The following ZSWIM5 variants were observed in gnomAD, a reference collection of about 807,000 sequenced individuals.
The protein encoded by ZSWIM5 is zinc finger SWIM domain-containing protein 5.
Under a neutral mutation model 119.6 loss-of-function variants are expected in ZSWIM5, and 55 were observed. That is an observed-to-expected ratio of 0.46 (90% CI 0.37 to 0.58). The LOEUF is 0.58. Among genes scored for constraint, ZSWIM5 ranks in the 20% least tolerant of loss-of-function variants. The pLI is 0.00. For missense variants in ZSWIM5, 1,193 were observed against 1,512.8 expected, an observed-to-expected ratio of 0.79 and a Z score of 3.51; for synonymous variants, 537 against 606.9, an observed-to-expected ratio of 0.88 and a Z score of 1.69.
At chr1:45,031,762 C>G (rs1459919947) in intron 11 of ZSWIM5, among the ~76,000 whole-genome samples, 1 of 150,746 alleles carries the variant, frequency 6.6e-6, no homozygotes, top group East Asian at 2.0e-4. Flanking sequence ...ATGGCATGAA[C>G]CTAGGGGGTG....
chr1:45,157,091 A>T (rs1645831168), intron 1 of ZSWIM5, among the ~76,000 whole-genome samples: 1 of 152,120 alleles, frequency 6.6e-6, no homozygotes, highest in Admixed American at 6.5e-5. Flanking sequence ...TTAACCATTA[A>T]CAAATTTTGC....
intron 1 of ZSWIM5, among the ~76,000 whole-genome samples, chr1:45,122,859 A>G (rs409082): frequency 0.063 from 9,537 of 152,178 alleles, 348 homozygotes; most frequent in East Asian, 0.11. Context: ...GGAGCCTTCT[A>G]TATCTGTCAG....
chr1:45,145,169 G>A (rs1645752728), intron 1 of ZSWIM5, among the ~76,000 whole-genome samples: 1 of 152,084 alleles, frequency 6.6e-6, no homozygotes. Flanking sequence ...AATACCAAGT[G>A]CTGATGAAGA....
intron 1 of ZSWIM5, among the ~76,000 whole-genome samples, chr1:45,165,515 A>C (rs1029175134): frequency 4.6e-5 from 7 of 152,094 alleles, no homozygotes; most frequent in Non-Finnish European, 7.4e-5. Flanking sequence ...TCAAAAAATC[A>C]ATGAATCCAG....
chr1:45,177,595 G>GACC, intron 1 of ZSWIM5, among the ~76,000 whole-genome samples: 1 of 152,042 alleles, frequency 6.6e-6, no homozygotes, highest in Non-Finnish European at 1.5e-5. Context: ...GATTCTCTCT[G>GACC]CTGCTTTATA....
chr1:45,106,684 C>T (rs1238240444), intron 1 of ZSWIM5, among the ~76,000 whole-genome samples: 1 of 152,190 alleles, frequency 6.6e-6, no homozygotes, highest in African/African-American at 2.4e-5. Flanking sequence ...GCCAGGCTGC[C>T]CCATCTGGGA....
chr1:45,096,796 T>C (rs952173267), intron 1 of ZSWIM5, among the ~76,000 whole-genome samples: 3 of 152,096 alleles, frequency 2.0e-5, no homozygotes, highest in African/African-American at 4.8e-5. Context: ...AAGAATAAAA[T>C]TGTACCGCAG....
chr1:45,049,386 G>T (rs1318763166), intron 5 of ZSWIM5, among the ~76,000 whole-genome samples: 3 of 152,124 alleles, frequency 2.0e-5, no homozygotes, highest in Non-Finnish European at 2.9e-5. Flanking sequence ...CAGCCCCAAA[G>T]GTAAAGGGAT....
chr1:45,131,724 C>CAAAAA (rs11336099), intron 1 of ZSWIM5, among the ~76,000 whole-genome samples: 4 of 74,196 alleles, frequency 5.4e-5, no homozygotes, highest in Admixed American at 1.6e-4. Context: ...GACTCTGTCT[C>CAAAAA]AAAAAAAAAA....
chr1:45,206,426 G>A lies in ZSWIM5; in HGVS notation c.-76C>T. The A allele has an allele frequency of 7.9e-7, 1 of 1,263,334 alleles. No homozygotes were observed. 78.3% of individuals were successfully genotyped at this position (1,263,334 alleles called of 1,614,324 possible). On this transcript the variant is annotated 5_prime_UTR_variant, in exon 1 of 14. Coordinates refer to ENST00000359600, the MANE Select transcript of ZSWIM5 (RefSeq NM_020883.2). ...GCGGAGACCCTGGCCACGGCCACGC[G>A]CCCCGCGCAAGCGCCCAGCGGTGGC...
intron 1 of ZSWIM5, among the ~76,000 whole-genome samples, chr1:45,150,171 T>TAAAAAAAAAAAAAAAAAAAAAAAAAAAAA (rs59869691): frequency 8.6e-5 from 8 of 93,348 alleles, no homozygotes; most frequent in African/African-American, 1.2e-4. Flanking sequence ...CTCTATCTCT[T>TAAAAAAAAAAAAAAAAAAAAAAAAAAAAA]AAAAAAAAAA....
intron 1 of ZSWIM5, among the ~76,000 whole-genome samples, chr1:45,172,158 T>C (rs1188463383): frequency 2.0e-5 from 3 of 152,080 alleles, no homozygotes; most frequent in Non-Finnish European, 4.4e-5. Flanking sequence ...ATCCATTTAG[T>C]GTTAGAACCA....
chr1:45,040,259 A>G (rs1645011159), intron 7 of ZSWIM5, 133 bp downstream of exon 7: 1 of 974,220 alleles, frequency 1.0e-6, no homozygotes, highest in African/African-American at 1.7e-5. Flanking sequence ...TGACATTCAT[A>G]AAGATAAAGT....
At chr1:45,054,658 C>G (rs928771917) in intron 4 of ZSWIM5, among the ~76,000 whole-genome samples, 1 of 136,888 alleles carries the variant, frequency 7.3e-6, no homozygotes, top group Non-Finnish European at 1.7e-5. Flanking sequence ...TAAAATTTTA[C>G]GTAATTATTA....
intron 4 of ZSWIM5, among the ~76,000 whole-genome samples, chr1:45,052,539 G>GC (rs1440355490): frequency 6.6e-6 from 1 of 152,114 alleles, no homozygotes; most frequent in Admixed American, 6.5e-5. Context: ...GCAGGCCAAG[G>GC]AGGGCAGATC....
intron 1 of ZSWIM5, among the ~76,000 whole-genome samples, chr1:45,141,774 C>T (rs930776545): frequency 1.3e-5 from 2 of 151,910 alleles, no homozygotes; most frequent in African/African-American, 2.4e-5. Flanking sequence ...ACCTTGAACA[C>T]GCACACAAAA....
intron 1 of ZSWIM5, among the ~76,000 whole-genome samples, chr1:45,094,860 CAAAA>C (rs542730310): frequency 9.6e-6 from 1 of 103,662 alleles, no homozygotes. Context: ...ACAAGGCAAG[CAAAA>C]AAAAAAAAAA....
At chr1:45,058,389 C>T (rs1645134670) in intron 4 of ZSWIM5, among the ~76,000 whole-genome samples, 1 of 152,184 alleles carries the variant, frequency 6.6e-6, no homozygotes, top group African/African-American at 2.4e-5. Context: ...CACTTGTTAA[C>T]ATCTGGAACA....
At chr1:45,138,179 G>A (rs1645701185) in intron 1 of ZSWIM5, among the ~76,000 whole-genome samples, 1 of 151,866 alleles carries the variant, frequency 6.6e-6, no homozygotes, top group African/African-American at 2.4e-5. Flanking sequence ...AATGTAAATA[G>A]AAAATACAGT....
Sources: gnomAD v4.1 joint callset for allele counts (sites outside exome capture counted in the v4.1 genomes callset) on GRCh38, gnomAD v4.1.1 for gene constraint, MANE v1.5 for transcripts, NCBI Gene and HGNC (gene_info 2026-07-23, HGNC 2026-07-21) for gene names.